Variants in C18orf63 observed in about 807,000 individuals in gnomAD.
C18orf63 encodes the protein uncharacterized protein C18orf63.
A neutral mutation model predicts 75.3 loss-of-function variants in C18orf63; 50 were observed. The ratio of observed to expected loss-of-function variants is 0.66; its 90% CI spans 0.53 to 0.84. The LOEUF is 0.84. C18orf63 is among the 40% of genes least tolerant of loss of function. C18orf63 has a pLI of 0.00. For synonymous variants in C18orf63, 232 were observed against 267.6 expected (o/e 0.87, Z 1.30); for missense variants, 732 against 800.2 (o/e 0.91, Z 1.03).
intron 6 of C18orf63, among the ~76,000 whole-genome samples, chr18:74,330,186 T>C (rs1013340166): frequency 3.9e-5 from 6 of 152,242 alleles, no homozygotes; most frequent in African/African-American, 1.2e-4. Context: ...AGGATTTGTT[T>C]TCTTTTACTT....
chr18:74,357,791 A>G lies in C18orf63; in HGVS notation c.*1344A>G, dbSNP rs1221892728. ...ATTTCTGTTTTCCAGAATTATCTCT[A>G]TTTCCCAATTATTTTACCATTTTCA... On this transcript the variant is annotated 3_prime_UTR_variant, in exon 14 of 14. Transcript: ENST00000579455. The G allele has an allele frequency of 6.6e-6, 1 of 152,110 alleles. No individual in the cohort carries two copies. The highest frequency in any genetic ancestry group is 1.5e-5 in the Non-Finnish European group (1 of 68,026). 9.4% of individuals were successfully genotyped at this position (152,110 alleles called of 1,614,324 possible).
chr18:74,329,395 A>C (rs1984266782), intron 6 of C18orf63, among the ~76,000 whole-genome samples: 1 of 151,242 alleles, frequency 6.6e-6, no homozygotes, highest in Non-Finnish European at 1.5e-5. Flanking sequence ...AAAAAAAAAA[A>C]ACCAGTAACA....
intron 11 of C18orf63, among the ~76,000 whole-genome samples, chr18:74,347,892 G>C (rs1202075926): frequency 1.3e-5 from 2 of 151,972 alleles, no homozygotes. Flanking sequence ...CATATTTTTG[G>C]GTAGGGAGTA....
At position 74,342,300 on chromosome 18, in the gene C18orf63, C is replaced by T; in HGVS notation, c.768C>T (p.Phe256=). 2 of 1,531,674 alleles carry T rather than the reference C, an allele frequency of 1.3e-6. No homozygotes were observed. Among genetic ancestry groups the T allele is most frequent in the Non-Finnish European group, 1.7e-6 (2 of 1,143,960 alleles). 94.9% of individuals were successfully genotyped at this position (1,531,674 alleles called of 1,614,324 possible). The change falls in exon 10 of 14, where the codon TTC becomes TTT. Residue 256 remains phenylalanine (F), a synonymous_variant. Transcript: ENST00000579455. ...TTAAAATATACTGCAACATCTATTT[C>T]AAAATGCTCGGAGAAAGGACCTTCA... ...GKIKIYCNIY[F]KMLGERTFTY... is the part of the protein sequence containing the mutation.
chr18:74,327,199 C>T (rs1984223425), intron 4 of C18orf63, among the ~76,000 whole-genome samples: 1 of 151,980 alleles, frequency 6.6e-6, no homozygotes, highest in South Asian at 2.1e-4. Context: ...TTATTGGGGT[C>T]TAAAGGAACT....
chr18:74,338,775 G>A lies in C18orf63; in HGVS notation c.562G>A (p.Val188Ile). The stretch of plus-strand genomic sequence containing the variant: ...GGATTTTCATGCTAACAAGCATGCT[G>A]TCATTGAGAGACATTCCATTTTAAG... ...IKDFHANKHA[V>I]IERHSILSNW... is the part of the protein sequence containing the mutation. The change falls in exon 8 of 14, where the codon GTC becomes ATC. Residue 188 changes from valine to isoleucine, a missense_variant. Physicochemically the swap from Val to Ile is conservative, Grantham distance 29. This residue lies in a region of C18orf63 where 233 missense variants were observed against 272.7 expected (regional missense o/e 0.85). Transcript: ENST00000579455. 1 of 1,422,166 alleles carries A rather than the reference G, an allele frequency of 7.0e-7. No homozygotes were observed. The highest frequency in any genetic ancestry group is 2.2e-5 in the Admixed American group (1 of 44,670). 88.1% of individuals were successfully genotyped at this position (1,422,166 alleles called of 1,614,324 possible).
At position 74,330,918 on chromosome 18, in the gene C18orf63, C is replaced by T; in HGVS notation, c.477C>T (p.Cys159=). The change falls in exon 7 of 14, where the codon TGC becomes TGT. Residue 159 remains cysteine, a synonymous_variant. Transcript: ENST00000579455. ...AAGTTTGTCTAAGTATAGAAGCTTGCACAATCAGACTGCCAGCACCTGAGG... is the reference window on the plus strand; with the variant it reads ...AAGTTTGTCTAAGTATAGAAGCTTGTACAATCAGACTGCCAGCACCTGAGG... ...ETQVCLSIEA[C]TIRLPAPELK... 6.8e-7 allele frequency: 1 copy of T among 1,470,534 alleles called. No individual in the cohort carries two copies. The allele number at this position is 1,470,534 out of a possible 1,614,324, so 91.1% of individuals were successfully genotyped here.
chr18:74,318,110 T>C lies in C18orf63; in HGVS notation c.134+111T>C. 9.3e-6 allele frequency: 6 copies of C among 643,734 alleles called. No homozygotes were observed. In the South Asian group the frequency reaches 2.1e-4, roughly 22 times the overall value. 39.9% of individuals were successfully genotyped at this position (643,734 alleles called of 1,614,324 possible). On this transcript the variant is annotated intron_variant, in intron 2 of 13. Transcript: ENST00000579455. ...TACTCATTCACTCAACTTGTGTTTA[T>C]AATTTTAAAATAAAGGAAGTCAGAT... is the stretch of plus-strand genomic sequence containing the variant.
chr18:74,340,199 T>G (rs1460941736), intron 8 of C18orf63, among the ~76,000 whole-genome samples: 1 of 152,138 alleles, frequency 6.6e-6, no homozygotes, highest in Non-Finnish European at 1.5e-5. Context: ...GGCAAAGCCC[T>G]CGAATAACAT....
At chr18:74,326,670 G>A (rs140843349) in intron 4 of C18orf63, among the ~76,000 whole-genome samples, 1,653 of 152,228 alleles carry the variant, frequency 0.011, 13 homozygotes, top group Middle Eastern at 0.017. Context: ...GACTTATCTT[G>A]TTCATTTCCC....
chr18:74,318,789 CAG>C (rs1568234032), intron 2 of C18orf63, among the ~76,000 whole-genome samples: 29 of 93,572 alleles, frequency 3.1e-4, no homozygotes, highest in Non-Finnish European at 2.9e-4. Context: ...GACTCTGTCT[CAG>C]AAAAAAAAAA....
At chr18:74,319,312 G>T (rs1009988224) in intron 2 of C18orf63, among the ~76,000 whole-genome samples, 1 of 152,184 alleles carries the variant, frequency 6.6e-6, no homozygotes, top group Admixed American at 6.5e-5. Context: ...GCTGTGTCAG[G>T]TAATGGCAGG....
intron 1 of C18orf63, among the ~76,000 whole-genome samples, chr18:74,316,668 G>A (rs1052351699): frequency 2.0e-5 from 3 of 152,178 alleles, no homozygotes; most frequent in Non-Finnish European, 4.4e-5. Context: ...TCCTGGGACA[G>A]AAACGTAGTG....
intron 7 of C18orf63, among the ~76,000 whole-genome samples, chr18:74,335,843 C>T (rs1243538192): frequency 6.6e-6 from 1 of 152,074 alleles, no homozygotes; most frequent in African/African-American, 2.4e-5. Context: ...GGAACATTTA[C>T]TGAGTACTGG....
chr18:74,351,453 T>G (rs893321534), intron 11 of C18orf63, among the ~76,000 whole-genome samples: 2 of 152,154 alleles, frequency 1.3e-5, no homozygotes, highest in African/African-American at 4.8e-5. Context: ...TGGGGACATT[T>G]GTTCTTGGAA....
At chr18:74,349,207 GA>G (rs1320322723) in intron 11 of C18orf63, among the ~76,000 whole-genome samples, 1 of 151,994 alleles carries the variant, frequency 6.6e-6, no homozygotes, top group Non-Finnish European at 1.5e-5. Context: ...TCATGAAACG[GA>G]AAAAAATTCA....
chr18:74,337,790 C>A (rs533992584), intron 7 of C18orf63, among the ~76,000 whole-genome samples: 36 of 152,172 alleles, frequency 2.4e-4, no homozygotes, highest in African/African-American at 7.9e-4. Flanking sequence ...CCTGCTCCTC[C>A]ATTTCCATTA....
chr18:74,329,391 A>AAAAAAAAAAAAAC (rs1568236172), intron 6 of C18orf63, among the ~76,000 whole-genome samples: 1 of 148,682 alleles, frequency 6.7e-6, no homozygotes, highest in Non-Finnish European at 1.5e-5. Flanking sequence ...AAAAAAAAAA[A>AAAAAAAAAAAAAC]AAAAACCAGT....
chr18:74,347,727 A>G (rs1357195326), intron 11 of C18orf63, among the ~76,000 whole-genome samples: 1 of 152,230 alleles, frequency 6.6e-6, no homozygotes, highest in Non-Finnish European at 1.5e-5. Context: ...TGGAAAATAA[A>G]TTGATCAGAC....
Sources: gnomAD v4.1 joint callset for allele counts (sites outside exome capture counted in the v4.1 genomes callset) on GRCh38, gnomAD v4.1.1 for gene constraint, gnomAD v4.1.1 regional missense constraint, MANE v1.5 for transcripts, NCBI Gene and HGNC (gene_info 2026-07-23, HGNC 2026-07-21) for gene names.